PPTC7: variants seen among roughly 807,000 people sequenced by gnomAD.
PPTC7 encodes protein phosphatase targeting COQ7.
Under a neutral mutation model 30.8 loss-of-function variants are expected in PPTC7, and 6 were observed. The ratio of observed to expected loss-of-function variants is 0.19; its 90% CI spans 0.11 to 0.38. The LOEUF (loss-of-function observed/expected upper bound fraction) is 0.38, where lower values mean the gene tolerates loss of function less well. Among genes scored for constraint, PPTC7 ranks in the 10% least tolerant of loss-of-function variants. The pLI, the probability that PPTC7 is intolerant of heterozygous loss-of-function variation, is 1.00. For missense variants in PPTC7, 218 were observed against 404.8 expected (o/e 0.54, Z 3.96); for synonymous variants, 163 against 168.1 (o/e 0.97, Z 0.23).
intron 1 of PPTC7, among the ~76,000 whole-genome samples, chr12:110,559,393 T>TG (rs1246740695): frequency 6.6e-6 from 1 of 151,426 alleles, no homozygotes; most frequent in East Asian, 1.9e-4. Context: ...CATCATTAAG[T>TG]GTTTATAAGA....
chr12:110,561,866 G>A (rs1450645374), intron 1 of PPTC7, among the ~76,000 whole-genome samples: 1 of 152,042 alleles, frequency 6.6e-6, no homozygotes, highest in Non-Finnish European at 1.5e-5. Flanking sequence ...GACAGGGGTA[G>A]AAGGATCACT....
rs952679209 is a variant in PPTC7, at chr12:110,536,656, A to G, written c.*381T>C. ...TATCATTACGTACAATTTGTGTTAG[A>G]CTTGTACCATCCCTTTAGCATACTA... On this transcript the variant is annotated 3_prime_UTR_variant, in exon 6 of 6. Coordinates refer to ENST00000354300, the MANE Select transcript of PPTC7 (RefSeq NM_139283.2). The G allele has an allele frequency of 4.1e-5, 8 of 195,006 alleles. No individual in the cohort carries two copies. Among genetic ancestry groups the G allele is most frequent in the African/African-American group, 1.6e-4 (7 of 42,974 alleles). The allele number at this position is 195,006 out of a possible 1,614,324, so 12.1% of individuals were successfully genotyped here.
intron 1 of PPTC7, among the ~76,000 whole-genome samples, chr12:110,578,645 C>CCTA (rs1404801854): frequency 1.3e-5 from 2 of 152,132 alleles, no homozygotes; most frequent in Non-Finnish European, 1.5e-5. Context: ...GTCAAGGAGT[C>CCTA]CTAGATGACC....
rs1208939268 is a variant in PPTC7 at position 110,534,033 on chromosome 12, A to AG, written c.*3003dup. On this transcript the variant is annotated 3_prime_UTR_variant, in exon 6 of 6. Coordinates refer to ENST00000354300, the MANE Select transcript of PPTC7 (RefSeq NM_139283.2). Reference sequence around the variant, plus strand: ...CCCAACAACCATGTCAAGCAAGTACAGTAACTCAGGACAAATAACTTGTTC... The same window carrying AG: ...CCCAACAACCATGTCAAGCAAGTACAGGTAACTCAGGACAAATAACTTGTTC... 3.9e-5 allele frequency: 6 copies of AG among 152,192 alleles called. No homozygotes were observed. The highest frequency in any genetic ancestry group is 7.3e-5 in the Non-Finnish European group (5 of 68,032). 9.4% of individuals were successfully genotyped at this position (152,192 alleles called of 1,614,324 possible).
At chr12:110,562,111 G>A (rs1029042567) in intron 1 of PPTC7, among the ~76,000 whole-genome samples, 8 of 151,592 alleles carry the variant, frequency 5.3e-5, no homozygotes, top group African/African-American at 1.9e-4. Flanking sequence ...GCAAGACACT[G>A]TCTCTATTTT....
At chr12:110,568,076 A>G (rs1356337150) in intron 1 of PPTC7, among the ~76,000 whole-genome samples, 2 of 151,196 alleles carry the variant, frequency 1.3e-5, no homozygotes, top group African/African-American at 4.9e-5. Context: ...TCTAACATCA[A>G]TTCTCAACAC....
chr12:110,582,755 G>T (rs1029803890), intron 1 of PPTC7, 54 bp downstream of exon 1: 27 of 1,429,262 alleles, frequency 1.9e-5, no homozygotes, highest in Non-Finnish European at 2.4e-5. Context: ...CGCGCGGGGA[G>T]TCCCCGGGAG....
chr12:110,535,575 G>C lies in PPTC7; in HGVS notation c.*1462C>G, dbSNP rs2135755934. ...AACCAGGGAGTCAGTATCTCCTTTAGAGAAAGACTTTCTATATTCTCAAGT... is the reference window on the plus strand; with the variant it reads ...AACCAGGGAGTCAGTATCTCCTTTACAGAAAGACTTTCTATATTCTCAAGT... On this transcript the variant is annotated 3_prime_UTR_variant, in exon 6 of 6. Coordinates refer to ENST00000354300, the MANE Select transcript of PPTC7 (RefSeq NM_139283.2). 1 of 152,696 alleles carries C rather than the reference G, an allele frequency of 6.5e-6. No homozygotes were observed. Among genetic ancestry groups the C allele is most frequent in the East Asian group, 1.9e-4 (1 of 5,184 alleles). 9.5% of individuals were successfully genotyped at this position (152,696 alleles called of 1,614,324 possible). A position where few individuals can be genotyped will look rare whatever the true frequency, so the allele number is the denominator to read the frequency against.
chr12:110,564,877 T>TACACGTTATATATA (rs1288351192), intron 1 of PPTC7, among the ~76,000 whole-genome samples: 6 of 149,492 alleles, frequency 4.0e-5, no homozygotes, highest in South Asian at 2.1e-4. Context: ...TATATATACA[T>TACACGTTATATATA]TGTTTTTTTT....
At chr12:110,576,999 T>A (rs759921578) in intron 1 of PPTC7, among the ~76,000 whole-genome samples, 3 of 152,004 alleles carry the variant, frequency 2.0e-5, no homozygotes, top group Non-Finnish European at 4.4e-5. Context: ...AAACCCCGTC[T>A]CTACTAAAAA....
chr12:110,539,876 T>C lies in PPTC7; in HGVS notation c.672A>G (p.Gly224=), dbSNP rs1312569144. Residue 224 remains glycine, a synonymous_variant, in exon 4 of 6, where the codon GGA becomes GGG. Transcript: ENST00000354300. The part of the protein sequence containing the change: ...LGDIILTATD[G]LFDNMPDYMI... ...TATAATCAGGCATGTTGTCAAAGAGTCCATCTGTTGCCGTCAGGATAATGT... is the reference window on the plus strand; with the variant it reads ...TATAATCAGGCATGTTGTCAAAGAGCCCATCTGTTGCCGTCAGGATAATGT... The C allele has an allele frequency of 2.5e-6, 4 of 1,613,782 alleles. No homozygotes were observed. In the African/African-American group the frequency reaches 4.0e-5, roughly 16 times the overall value.
chr12:110,559,168 A>C (rs1216565428), intron 1 of PPTC7, among the ~76,000 whole-genome samples: 3 of 151,868 alleles, frequency 2.0e-5, no homozygotes, highest in Non-Finnish European at 2.9e-5. Flanking sequence ...TGACTACAGG[A>C]ATGCACCAAC....
At chr12:110,551,186 C>T (rs570955835) in intron 2 of PPTC7, among the ~76,000 whole-genome samples, 10 of 152,306 alleles carry the variant, frequency 6.6e-5, no homozygotes, top group South Asian at 4.1e-4. Flanking sequence ...TTTTGGTTCA[C>T]GTATTGTGCA....
intron 1 of PPTC7, among the ~76,000 whole-genome samples, chr12:110,573,207 T>G (rs1259927528): frequency 6.6e-6 from 1 of 152,192 alleles, no homozygotes; most frequent in Non-Finnish European, 1.5e-5. Flanking sequence ...TCAAAGGCCT[T>G]GCAAATGCTC....
chr12:110,574,841 C>T (rs1002889811), intron 1 of PPTC7, among the ~76,000 whole-genome samples: 4 of 152,046 alleles, frequency 2.6e-5, no homozygotes, highest in Admixed American at 1.3e-4. Context: ...TGCAGTGGCA[C>T]GATCTCGGGT....
intron 1 of PPTC7, among the ~76,000 whole-genome samples, chr12:110,562,456 T>C (rs1411737656): frequency 6.6e-6 from 1 of 152,142 alleles, no homozygotes; most frequent in East Asian, 1.9e-4. Flanking sequence ...ATATAGATTA[T>C]GCTGCACTTC....
At chr12:110,563,809 G>A (rs547934237) in intron 1 of PPTC7, among the ~76,000 whole-genome samples, 2 of 152,270 alleles carry the variant, frequency 1.3e-5, no homozygotes, top group South Asian at 2.1e-4. Context: ...TTACACCTAT[G>A]TCTAGAATAC....
chr12:110,543,886 G>A (rs559158012), intron 3 of PPTC7, among the ~76,000 whole-genome samples: 1 of 152,328 alleles, frequency 6.6e-6, no homozygotes, highest in Non-Finnish European at 1.5e-5. Flanking sequence ...CAACCTGTCT[G>A]TCCCACAGAC....
At chr12:110,578,366 G>A (rs892762746) in intron 1 of PPTC7, among the ~76,000 whole-genome samples, 5 of 152,122 alleles carry the variant, frequency 3.3e-5, no homozygotes, top group Non-Finnish European at 7.3e-5. Flanking sequence ...CACGGCTCCC[G>A]CTAGTACTGG....
Sources: allele counts gnomAD v4.1 joint callset (sites outside exome capture counted in the v4.1 genomes callset), GRCh38; gene constraint gnomAD v4.1.1; transcripts MANE v1.5; gene names NCBI Gene and HGNC (gene_info 2026-07-23, HGNC 2026-07-21).